PRKAR2B: variants seen among roughly 807,000 people sequenced by gnomAD.
PRKAR2B encodes protein kinase cAMP-dependent type II regulatory subunit beta, also known as cAMP-dependent protein kinase type II-beta regulatory subunit.
PRKAR2B carries 14 observed loss-of-function variants against 49.9 expected under a neutral mutation model. The observed-to-expected ratio is 0.28, with a 90% CI of 0.19 to 0.44. The LOEUF (loss-of-function observed/expected upper bound fraction) is 0.44, where lower values mean the gene tolerates loss of function less well. PRKAR2B is among the 20% of genes least tolerant of loss of function. PRKAR2B has a pLI of 1.00. For missense variants in PRKAR2B, 393 were observed against 537.9 expected (o/e 0.73, Z 2.67); for synonymous variants, 196 against 197.7 (o/e 0.99, Z 0.07).
At chr7:107,065,398 T>C (rs1259975957) in intron 1 of PRKAR2B, among the ~76,000 whole-genome samples, 1 of 150,836 alleles carries the variant, frequency 6.6e-6, no homozygotes, top group African/African-American at 2.4e-5. Flanking sequence ...AGATCACAGC[T>C]CAGGGCTCTT....
At chr7:107,147,928 A>C (rs1795921741) in intron 6 of PRKAR2B, among the ~76,000 whole-genome samples, 1 of 152,242 alleles carries the variant, frequency 6.6e-6, no homozygotes, top group South Asian at 2.1e-4. Context: ...TTGACTCTGA[A>C]GTCAATTCAG....
chr7:107,086,807 A>G (rs1199024142), intron 2 of PRKAR2B, among the ~76,000 whole-genome samples: 1 of 152,158 alleles, frequency 6.6e-6, no homozygotes, highest in Non-Finnish European at 1.5e-5. Flanking sequence ...TACTTCGTAA[A>G]CATAATGATA....
chr7:107,144,108 G>A (rs1167035509), intron 5 of PRKAR2B, among the ~76,000 whole-genome samples: 1 of 147,670 alleles, frequency 6.8e-6, no homozygotes, highest in Non-Finnish European at 1.5e-5. Flanking sequence ...TTTTGAGGCG[G>A]AGTCTTGCTC....
At chr7:107,125,497 C>T (rs1419976589) in intron 3 of PRKAR2B, among the ~76,000 whole-genome samples, 1 of 152,148 alleles carries the variant, frequency 6.6e-6, no homozygotes, top group African/African-American at 2.4e-5. Flanking sequence ...TTGCTGAGGC[C>T]TCAGTGATCC....
intron 2 of PRKAR2B, 67 bp downstream of exon 2, chr7:107,070,383 A>ATTC: frequency 7.4e-7 from 1 of 1,359,082 alleles, no homozygotes. Context: ...AATATTGGAC[A>ATTC]AGAAGGTACA....
intron 2 of PRKAR2B, chr7:107,078,082 G>A (rs1392071501): frequency 6.6e-6 from 1 of 151,594 alleles, no homozygotes; most frequent in Non-Finnish European, 1.5e-5. Flanking sequence ...TGTGCCTGTA[G>A]TCTCAGCTAC....
chr7:107,086,745 G>A (rs1347414147), intron 2 of PRKAR2B, among the ~76,000 whole-genome samples: 22 of 152,018 alleles, frequency 1.4e-4, no homozygotes, highest in Non-Finnish European at 7.4e-5. Flanking sequence ...TTAGGCATGC[G>A]CCCCCTCACC....
chr7:107,048,869 T>TGTTAGAATG (rs1430430807), intron 1 of PRKAR2B, among the ~76,000 whole-genome samples: 1 of 152,228 alleles, frequency 6.6e-6, no homozygotes, highest in Non-Finnish European at 1.5e-5. Context: ...AAGCTTTAGA[T>TGTTAGAATG]GTTAGAATGA....
intron 2 of PRKAR2B, among the ~76,000 whole-genome samples, chr7:107,072,289 C>T (rs979400351): frequency 6.6e-6 from 1 of 151,646 alleles, no homozygotes; most frequent in Non-Finnish European, 1.5e-5. Context: ...AGCAGTAAGC[C>T]TTAAAAGGAG....
chr7:107,117,397 G>A (rs1795296160), intron 2 of PRKAR2B, among the ~76,000 whole-genome samples: 1 of 151,886 alleles, frequency 6.6e-6, no homozygotes, highest in African/African-American at 2.4e-5. Context: ...GAGAACATTG[G>A]CAAATTAACT....
At chr7:107,053,921 A>C (rs2237650) in intron 1 of PRKAR2B, among the ~76,000 whole-genome samples, 96,889 of 152,066 alleles carry the variant, frequency 0.64, 32,175 homozygotes, top group African/African-American at 0.83. Context: ...TTTTGTTAGG[A>C]GAGAGATCGT....
At chr7:107,083,331 A>G (rs1268190888) in intron 2 of PRKAR2B, among the ~76,000 whole-genome samples, 1 of 152,108 alleles carries the variant, frequency 6.6e-6, no homozygotes, top group Non-Finnish European at 1.5e-5. Context: ...TTGAATAAAG[A>G]TTATTTTGAT....
intron 4 of PRKAR2B, among the ~76,000 whole-genome samples, chr7:107,130,011 C>A (rs572281261): frequency 6.6e-6 from 1 of 152,178 alleles, no homozygotes; most frequent in Admixed American, 6.5e-5. Flanking sequence ...AATGCCTTAA[C>A]CATCTGGGAA....
At chr7:107,049,936 A>G (rs1395929109) in intron 1 of PRKAR2B, among the ~76,000 whole-genome samples, 1 of 148,848 alleles carries the variant, frequency 6.7e-6, no homozygotes, top group Non-Finnish European at 1.5e-5. Flanking sequence ...GCATAAAACA[A>G]TAGTGTCAGA....
chr7:107,128,202 G>A lies in PRKAR2B; in HGVS notation c.397-10G>A, dbSNP rs753486914. On this transcript the variant is annotated splice_polypyrimidine_tract_variant and intron_variant, in intron 3 of 10. Transcript: ENST00000265717. ...AATGTCTTTGTTTTTTAAATCTGAT[G>A]TCCTTTTAGATTATACATCCAAAAA... 2.5e-6 allele frequency: 4 copies of A among 1,583,624 alleles called. No homozygotes were observed. The highest frequency in any genetic ancestry group is 2.7e-5 in the African/African-American group (2 of 74,094).
intron 2 of PRKAR2B, among the ~76,000 whole-genome samples, chr7:107,075,628 G>A (rs1359314754): frequency 6.6e-6 from 1 of 151,930 alleles, no homozygotes; most frequent in Non-Finnish European, 1.5e-5. Flanking sequence ...TTGAACTCTC[G>A]AGCTCTAGGG....
intron 2 of PRKAR2B, among the ~76,000 whole-genome samples, chr7:107,109,694 G>A (rs1257318414): frequency 6.6e-6 from 1 of 151,840 alleles, no homozygotes; most frequent in Non-Finnish European, 1.5e-5. Context: ...TACAAACTTT[G>A]GTGTCTATCC....
intron 2 of PRKAR2B, among the ~76,000 whole-genome samples, chr7:107,092,283 G>C (rs570508615): frequency 8.6e-4 from 130 of 151,838 alleles, no homozygotes; most frequent in African/African-American, 2.9e-3. Flanking sequence ...GTGTCTGTGT[G>C]TGTGTGTGTG....
intron 2 of PRKAR2B, among the ~76,000 whole-genome samples, chr7:107,102,819 C>T (rs1333020456): frequency 1.6e-4 from 24 of 151,900 alleles, no homozygotes; most frequent in Non-Finnish European, 1.3e-4. Flanking sequence ...TACAGGCGCC[C>T]GCCACCATGC....
Sources: allele counts gnomAD v4.1 joint callset (sites outside exome capture counted in the v4.1 genomes callset), GRCh38; gene constraint gnomAD v4.1.1; transcripts MANE v1.5; gene names NCBI Gene and HGNC (gene_info 2026-07-23, HGNC 2026-07-21).